NTM: variants seen among roughly 807,000 people sequenced by gnomAD.
NTM encodes IgLON family member 2.
In NTM, 13 loss-of-function variants were observed where a neutral mutation model predicts 42.1. That is an observed-to-expected ratio of 0.31 (90% CI 0.20 to 0.49). The LOEUF is 0.49. Ranked by LOEUF, NTM falls within the 20% of genes least tolerant of loss-of-function variation. NTM has a pLI of 0.99. For missense variants in NTM, 373 were observed against 452.8 expected (o/e 0.82, Z 1.60); for synonymous variants, 187 against 179.2 (o/e 1.04, Z -0.35).
intron 1 of NTM, among the ~76,000 whole-genome samples, chr11:131,476,794 T>C (rs561349484): frequency 1.9e-3 from 204 of 107,976 alleles, no homozygotes; most frequent in Middle Eastern, 0.017. Flanking sequence ...TCAGCCCACA[T>C]AGGCGGAAAA....
At chr11:131,985,150 G>A (rs931887194) in intron 2 of NTM, among the ~76,000 whole-genome samples, 1 of 152,158 alleles carries the variant, frequency 6.6e-6, no homozygotes, top group Non-Finnish European at 1.5e-5. Context: ...ACAAAGAGGA[G>A]TAATCAATCC....
At chr11:132,184,782 A>C (rs935649754) in intron 3 of NTM, among the ~76,000 whole-genome samples, 1 of 152,216 alleles carries the variant, frequency 6.6e-6, no homozygotes, top group African/African-American at 2.4e-5. Context: ...TGGGAAAAAT[A>C]ATATTCATTT....
At chr11:131,371,593 G>C (rs1941193156) in intron 1 of NTM, among the ~76,000 whole-genome samples, 1 of 152,136 alleles carries the variant, frequency 6.6e-6, no homozygotes, top group Admixed American at 6.5e-5. Context: ...TTATTTATCG[G>C]CTGAGCCGGG....
At chr11:131,672,530 C>T (rs556357219) in intron 1 of NTM, among the ~76,000 whole-genome samples, 9 of 152,338 alleles carry the variant, frequency 5.9e-5, no homozygotes, top group South Asian at 2.1e-4. Flanking sequence ...CCATTCTCTT[C>T]GGCCTGGCCT....
intron 2 of NTM, among the ~76,000 whole-genome samples, chr11:131,976,360 G>A (rs1365041923): frequency 1.3e-5 from 2 of 152,078 alleles, no homozygotes; most frequent in African/African-American, 2.4e-5. Context: ...TGGCCAGGTC[G>A]GGGACAGTAT....
intron 2 of NTM, among the ~76,000 whole-genome samples, chr11:131,963,668 T>C (rs981956602): frequency 6.6e-6 from 1 of 152,222 alleles, no homozygotes; most frequent in Non-Finnish European, 1.5e-5. Context: ...TGCCAGGCTC[T>C]GGAATAGGCA....
intron 4 of NTM, among the ~76,000 whole-genome samples, chr11:132,220,299 G>T (rs185846394): frequency 1.3e-5 from 2 of 152,092 alleles, no homozygotes; most frequent in East Asian, 3.9e-4. Flanking sequence ...GACCAAGGTG[G>T]GAGAGAAAAA....
rs568621565 is a variant in NTM, at chr11:131,510,604, TTCTA to T, written c.82+139723_82+139726del. Among the ~76,000 whole-genome samples the T allele has an allele frequency of 3.0e-3, 456 of 152,300 alleles. 1 individual carries two copies. Among genetic ancestry groups the T allele is most frequent in the African/African-American group, 9.7e-3 (402 of 41,552 alleles). On this transcript the variant is annotated intron_variant, in intron 1 of 8. Coordinates refer to ENST00000683400, the MANE Select transcript of NTM (RefSeq NM_001352005.2). Reference sequence around the variant, plus strand: ...TTTTTTAAAAATTCTAAAAACCAATTTCTATCTATCATATCACTTTTATGATCAT... The same window carrying T: ...TTTTTTAAAAATTCTAAAAACCAATTTCTATCATATCACTTTTATGATCAT...
intron 1 of NTM, among the ~76,000 whole-genome samples, chr11:131,590,190 T>C (rs897406375): frequency 6.6e-6 from 1 of 152,172 alleles, no homozygotes; most frequent in South Asian, 2.1e-4. Flanking sequence ...CAGTCAAAAG[T>C]CATCTGTGTC....
chr11:131,818,003 C>G (rs2093021525), intron 1 of NTM, among the ~76,000 whole-genome samples: 1 of 151,964 alleles, frequency 6.6e-6, no homozygotes, highest in African/African-American at 2.4e-5. Flanking sequence ...AGCAACAACA[C>G]TGAAGATGAT....
At chr11:131,976,108 C>T (rs1163479968) in intron 2 of NTM, among the ~76,000 whole-genome samples, 2 of 136,382 alleles carry the variant, frequency 1.5e-5, no homozygotes, top group Non-Finnish European at 3.2e-5. Flanking sequence ...TCCCTCCCTC[C>T]CTCCCTCATT....
chr11:132,133,286 A>G (rs1008307988), intron 2 of NTM, among the ~76,000 whole-genome samples: 17 of 152,180 alleles, frequency 1.1e-4, no homozygotes, highest in Middle Eastern at 3.4e-3. Flanking sequence ...CAACACCCAT[A>G]ATTTCCTATC....
intron 4 of NTM, among the ~76,000 whole-genome samples, chr11:132,280,070 A>G (rs771431460): frequency 2.0e-5 from 3 of 152,156 alleles, no homozygotes; most frequent in Non-Finnish European, 4.4e-5. Flanking sequence ...TCAGCGTTGA[A>G]TTTTTAAGTC....
At chr11:131,592,678 AC>A (rs2059480497) in intron 1 of NTM, among the ~76,000 whole-genome samples, 1 of 146,376 alleles carries the variant, frequency 6.8e-6, no homozygotes, top group African/African-American at 2.7e-5. Flanking sequence ...ACACACACAC[AC>A]ACACACACCA....
At chr11:132,265,539 A>G (rs2139603689) in intron 4 of NTM, among the ~76,000 whole-genome samples, 1 of 152,328 alleles carries the variant, frequency 6.6e-6, no homozygotes, top group African/African-American at 2.4e-5. Flanking sequence ...CTTCCCTTGC[A>G]TAAAAACCAG....
At chr11:131,383,870 G>T (rs1460436161) in intron 1 of NTM, among the ~76,000 whole-genome samples, 1 of 152,144 alleles carries the variant, frequency 6.6e-6, no homozygotes, top group African/African-American at 2.4e-5. Context: ...AGGAAAGGGA[G>T]CCTCCTAAGG....
At chr11:132,153,739 A>G (rs2072515036) in intron 3 of NTM, among the ~76,000 whole-genome samples, 1 of 152,180 alleles carries the variant, frequency 6.6e-6, no homozygotes, top group African/African-American at 2.4e-5. Flanking sequence ...GTTGAATTCC[A>G]TTTAACAGTA....
At chr11:132,257,556 A>T (rs973371432) in intron 4 of NTM, among the ~76,000 whole-genome samples, 26 of 152,246 alleles carry the variant, frequency 1.7e-4, no homozygotes, top group Admixed American at 3.9e-4. Context: ...GTGGCCTGGG[A>T]ACTCCTGAAG....
intron 2 of NTM, among the ~76,000 whole-genome samples, chr11:131,912,726 A>G (rs570477): frequency 0.083 from 12,625 of 152,242 alleles, 572 homozygotes; most frequent in East Asian, 0.16. Flanking sequence ...CAACATGGCA[A>G]TATTCCTGTC....
Sources: allele counts gnomAD v4.1 joint callset (sites outside exome capture counted in the v4.1 genomes callset), GRCh38; gene constraint gnomAD v4.1.1; transcripts MANE v1.5; gene names NCBI Gene and HGNC (gene_info 2026-07-23, HGNC 2026-07-21).